Variants in CNBD1 observed in about 807,000 individuals in gnomAD.
CNBD1 encodes cyclic nucleotide binding domain containing 1, also known as cyclic nucleotide-binding domain-containing protein 1.
In CNBD1, 71 loss-of-function variants were observed where a neutral mutation model predicts 54.4. The observed-to-expected ratio is 1.30, with a 90% CI of 1.08 to 1.59. CNBD1 has a LOEUF of 1.59. CNBD1 is among the 40% of genes most tolerant of loss of function. The pLI is 0.00. For missense variants in CNBD1, 659 were observed against 518.0 expected (o/e 1.27, Z -2.64); for synonymous variants, 182 against 170.7 (o/e 1.07, Z -0.51).
intron 10 of CNBD1, among the ~76,000 whole-genome samples, chr8:87,363,232 A>C (rs1810559014): frequency 6.6e-6 from 1 of 151,868 alleles, no homozygotes; most frequent in Admixed American, 6.6e-5. Context: ...TATGTGCCAC[A>C]TTTTCTTTAT....
intron 4 of CNBD1, among the ~76,000 whole-genome samples, chr8:86,979,076 C>G (rs921740453): frequency 6.6e-6 from 1 of 151,956 alleles, no homozygotes; most frequent in African/African-American, 2.4e-5. Context: ...AAGATTATGA[C>G]TTAAAAAATT....
chr8:87,180,412 C>T (rs771713708), intron 4 of CNBD1, among the ~76,000 whole-genome samples: 18 of 152,000 alleles, frequency 1.2e-4, no homozygotes, highest in Non-Finnish European at 1.9e-4. Flanking sequence ...TAATACGTTA[C>T]TGTGTGTTGT....
intron 10 of CNBD1, among the ~76,000 whole-genome samples, chr8:87,363,150 A>T (rs1029968686): frequency 2.0e-5 from 3 of 152,104 alleles, no homozygotes; most frequent in African/African-American, 7.2e-5. Context: ...GATGGTTTCC[A>T]GAGTTATCCA....
rs926902153 is a variant in CNBD1, at chr8:87,166,754, G to A, written c.432-39239G>A. Among the ~76,000 whole-genome samples, 5 of 151,712 alleles carry A rather than the reference G, an allele frequency of 3.3e-5. No homozygotes were observed. Among genetic ancestry groups the A allele is most frequent in the Non-Finnish European group, 7.4e-5 (5 of 67,870 alleles). On this transcript the variant is annotated intron_variant, in intron 4 of 10. Coordinates refer to ENST00000518476, the MANE Select transcript of CNBD1 (RefSeq NM_173538.3). The surrounding 1 kb of genome is among the most constrained non-coding windows in gnomAD (Gnocchi z 4.3). ...GTTACAAAATTTTATGACAGCCTCC[G>A]TTGCATATTTTGTTTACCCTTGCAT... is the stretch of plus-strand genomic sequence containing the variant.
intron 8 of CNBD1, among the ~76,000 whole-genome samples, chr8:87,328,443 A>G (rs1809740723): frequency 6.7e-6 from 1 of 149,812 alleles, no homozygotes; most frequent in Admixed American, 6.6e-5. Flanking sequence ...ATTGTGTTTA[A>G]TTTTTTTTCT....
At chr8:87,151,126 G>T (rs921441798) in intron 4 of CNBD1, among the ~76,000 whole-genome samples, 1 of 152,168 alleles carries the variant, frequency 6.6e-6, no homozygotes, top group Non-Finnish European at 1.5e-5. Flanking sequence ...CAGAAAGACT[G>T]CAGGTACCTT....
chr8:87,398,422 G>T, intron 2 of CNBD1, among the ~76,000 whole-genome samples: 1 of 151,766 alleles, frequency 6.6e-6, no homozygotes. Flanking sequence ...CCAGTTTGTT[G>T]ATATGTACCA....
chr8:87,385,602 G>A (rs1811166637), downstream of CNBD1, among the ~76,000 whole-genome samples: 1 of 152,098 alleles, frequency 6.6e-6, no homozygotes, highest in Non-Finnish European at 1.5e-5. Context: ...GCTTGAGTAG[G>A]TAAACAAAGT....
intron 6 of CNBD1, among the ~76,000 whole-genome samples, chr8:87,255,340 T>C (rs995903908): frequency 3.3e-5 from 5 of 152,112 alleles, no homozygotes; most frequent in Admixed American, 1.3e-4. Flanking sequence ...TAAAAAAATG[T>C]ACTGAGTAGT....
intron 1 of CNBD1, among the ~76,000 whole-genome samples, chr8:86,882,329 G>GA (rs56100523): frequency 6.6e-6 from 1 of 151,774 alleles, no homozygotes; most frequent in Non-Finnish European, 1.5e-5. Context: ...AAATTTACAA[G>GA]AAAAAAACAA....
At chr8:87,406,630 C>A (rs776537788) in intron 2 of CNBD1, among the ~76,000 whole-genome samples, 54 of 152,062 alleles carry the variant, frequency 3.6e-4, no homozygotes, top group Middle Eastern at 6.8e-3. Flanking sequence ...CAGGCGTGTG[C>A]CACCACGCCC....
At chr8:87,356,856 C>T (rs1374488096) in intron 10 of CNBD1, among the ~76,000 whole-genome samples, 1 of 152,110 alleles carries the variant, frequency 6.6e-6, no homozygotes, top group African/African-American at 2.4e-5. Flanking sequence ...AAGACAGCTC[C>T]TCCCATCACA....
At chr8:87,395,404 T>C (rs1811391498) in intron 2 of CNBD1, among the ~76,000 whole-genome samples, 1 of 151,912 alleles carries the variant, frequency 6.6e-6, no homozygotes, top group Non-Finnish European at 1.5e-5. Context: ...GAATATAGCA[T>C]ATGTTATATA....
rs1282921667 is a variant in CNBD1, at chr8:87,353,803, C to A, written c.1303+17C>A. The A allele has an allele frequency of 1.3e-6, 2 of 1,572,868 alleles. No homozygotes were observed. The highest frequency in any genetic ancestry group is 1.2e-5 in the South Asian group (1 of 84,530). ...ACCTATTTGGTAAATGCATAAATATCTTTTAACTGTTATACCATTTTATTG... is the reference window on the plus strand; with the variant it reads ...ACCTATTTGGTAAATGCATAAATATATTTTAACTGTTATACCATTTTATTG... On this transcript the variant is annotated intron_variant, in intron 10 of 10. Coordinates refer to ENST00000518476, the MANE Select transcript of CNBD1 (RefSeq NM_173538.3).
At chr8:86,917,555 C>T (rs1809206516) in intron 3 of CNBD1, among the ~76,000 whole-genome samples, 1 of 152,094 alleles carries the variant, frequency 6.6e-6, no homozygotes, top group South Asian at 2.1e-4. Context: ...AGTGAGTTGC[C>T]AGTAGGACTG....
intron 6 of CNBD1, among the ~76,000 whole-genome samples, chr8:87,259,687 G>T (rs934076510): frequency 6.6e-6 from 1 of 152,098 alleles, no homozygotes; most frequent in Non-Finnish European, 1.5e-5. Flanking sequence ...TTTTTCATTT[G>T]CCTGTTTTTA....
chr8:87,273,586 T>A (rs1356670182), intron 6 of CNBD1, among the ~76,000 whole-genome samples: 1 of 151,990 alleles, frequency 6.6e-6, no homozygotes, highest in Non-Finnish European at 1.5e-5. Flanking sequence ...TTCAGGAGAC[T>A]TTATGTTGTG....
chr8:87,083,516 A>T (rs1474173151), intron 4 of CNBD1, among the ~76,000 whole-genome samples: 1 of 151,128 alleles, frequency 6.6e-6, no homozygotes, highest in African/African-American at 2.4e-5. Context: ...AATTCTTTCA[A>T]TTTACCTATA....
chr8:87,408,496 A>C (rs1332506335), intron 2 of CNBD1, among the ~76,000 whole-genome samples: 1 of 152,022 alleles, frequency 6.6e-6, no homozygotes, highest in African/African-American at 2.4e-5. Context: ...TATTCTATTT[A>C]ATTGAGTCAT....
Sources: allele counts gnomAD v4.1 joint callset (sites outside exome capture counted in the v4.1 genomes callset), GRCh38; gene constraint gnomAD v4.1.1; non-coding constraint Gnocchi (gnomAD v3.1); transcripts MANE v1.5; gene names NCBI Gene and HGNC (gene_info 2026-07-23, HGNC 2026-07-21).